The following ATXN2 variants were observed in gnomAD, a reference collection of about 807,000 sequenced individuals.
ATXN2 encodes the protein ataxin 2.
In ATXN2, 37 loss-of-function variants were observed where a neutral mutation model predicts 138.6. That is an observed-to-expected ratio of 0.27 (90% CI 0.21 to 0.35). The LOEUF (loss-of-function observed/expected upper bound fraction) is 0.35, where lower values mean the gene tolerates loss of function less well. Ranked by LOEUF, ATXN2 falls within the 10% of genes least tolerant of loss-of-function variation. The pLI is 1.00. For synonymous variants in ATXN2, 549 were observed against 543.7 expected (o/e 1.01, Z -0.13); for missense variants, 1,216 against 1,480.3 (o/e 0.82, Z 2.93).
At chr12:111,454,063 A>C (rs7295678) in intron 23 of ATXN2, 20,401 of 499,360 alleles carry the variant, frequency 0.041, 3,353 homozygotes, top group African/African-American at 0.35. Flanking sequence ...GGAGCAGGCA[A>C]CAAGTGAGCC....
At chr12:111,467,241 C>T (rs1876089540) in intron 20 of ATXN2, among the ~76,000 whole-genome samples, 1 of 146,340 alleles carries the variant, frequency 6.8e-6, no homozygotes, top group Non-Finnish European at 1.5e-5. Flanking sequence ...GTCCTGGACT[C>T]AAGTGATCCT....
Position 111,485,755 on chromosome 12 carries a change from T to C in ATXN2, c.2415A>G (p.Ala805=). ...TPVYTQPVCF[A]PNMMYPVPVS... ...CTGGGACTGGATACATCATATTTGG[T>C]GCAAAACAAACAGGCTGAGTATAAA... Residue 805 remains alanine (A), a synonymous_variant, in exon 17 of 25, where the codon GCA becomes GCG. Transcript: ENST00000673436. 6.2e-7 allele frequency: 1 copy of C among 1,614,152 alleles called. No individual in the cohort carries two copies. The highest frequency in any genetic ancestry group is 8.5e-7 in the Non-Finnish European group (1 of 1,180,026).
Position 111,598,162 on chromosome 12 carries a change from G to C in ATXN2, c.251+622C>G, listed in dbSNP as rs915347266. 5 of 1,093,398 alleles carry C rather than the reference G, an allele frequency of 4.6e-6. No individual in the cohort carries two copies. The highest frequency in any genetic ancestry group is 5.6e-6 in the Non-Finnish European group (5 of 890,324). 67.7% of individuals were successfully genotyped at this position (1,093,398 alleles called of 1,614,324 possible). Reference sequence around the variant, plus strand: ...CGGACACGAACGCAGAGGGGTGCGGGGGCCAAGGCCCACTTGTCTCCACCC... The same window carrying C: ...CGGACACGAACGCAGAGGGGTGCGGCGGCCAAGGCCCACTTGTCTCCACCC... On this transcript the variant is annotated intron_variant, in intron 1 of 24. Transcript: ENST00000673436. The surrounding 1 kb of genome is among the most constrained non-coding windows in gnomAD (Gnocchi z 4.5).
chr12:111,532,505 T>C (rs762747915), intron 5 of ATXN2, among the ~76,000 whole-genome samples: 3 of 152,032 alleles, frequency 2.0e-5, no homozygotes, highest in Non-Finnish European at 4.4e-5. Flanking sequence ...AAAATAATAA[T>C]TTGAGATACC....
intron 5 of ATXN2, among the ~76,000 whole-genome samples, chr12:111,547,329 A>G (rs1445379321): frequency 6.6e-6 from 1 of 152,190 alleles, no homozygotes; most frequent in Non-Finnish European, 1.5e-5. Context: ...CGGGAGGCTT[A>G]GGCAGAAGAA....
intron 22 of ATXN2, among the ~76,000 whole-genome samples, chr12:111,456,808 C>T (rs1023582604): frequency 2.0e-5 from 3 of 151,996 alleles, no homozygotes; most frequent in African/African-American, 7.3e-5. Context: ...AGTGCAGTGG[C>T]GCGATCTCTG....
Position 111,457,459 on chromosome 12 carries a change from C to T in ATXN2, c.2897-100G>A, listed in dbSNP as rs993369684. The T allele has an allele frequency of 2.9e-6, 4 of 1,359,168 alleles. No homozygotes were observed. In the African/African-American group the frequency reaches 4.4e-5, roughly 15 times the overall value. 84.2% of individuals were successfully genotyped at this position (1,359,168 alleles called of 1,614,324 possible). ...CTGAACTTTCTTGATGGTTACAATG[C>T]ATAACTCACGCCACTACCAATTTCT... On this transcript the variant is annotated intron_variant, in intron 21 of 24. Transcript: ENST00000673436.
intron 14 of ATXN2, 42 bp downstream of exon 14, chr12:111,509,507 T>G: frequency 1.8e-6 from 2 of 1,134,636 alleles, no homozygotes; most frequent in Non-Finnish European, 2.6e-6. Context: ...TAGTAATGCT[T>G]ATTTTCTAAA....
At chr12:111,581,357 C>G (rs1357861526) in intron 1 of ATXN2, 1 of 600,768 alleles carries the variant, frequency 1.7e-6, no homozygotes, top group African/African-American at 1.8e-5. Context: ...AACCCGACCA[C>G]AGCTGGTCTT....
intron 20 of ATXN2, among the ~76,000 whole-genome samples, chr12:111,467,159 T>C (rs973318277): frequency 1.3e-4 from 20 of 151,948 alleles, no homozygotes; most frequent in African/African-American, 4.6e-4. Flanking sequence ...TTTTTTTAAA[T>C]AGAGACAGGG....
rs1325956552 is a variant in ATXN2 at position 111,452,435 on chromosome 12, T to TC, written c.*376_*377insG. 2.5e-5 allele frequency: 4 copies of TC among 159,994 alleles called. No homozygotes were observed. The highest frequency in any genetic ancestry group is 9.6e-5 in the African/African-American group (4 of 41,564). 9.9% of individuals were successfully genotyped at this position (159,994 alleles called of 1,614,324 possible). A position where few individuals can be genotyped will look rare whatever the true frequency, so the allele number is the denominator to read the frequency against. On this transcript the variant is annotated 3_prime_UTR_variant, in exon 25 of 25. Coordinates refer to ENST00000673436, the MANE Select transcript of ATXN2 (RefSeq NM_001372574.1). ...AAGGGCGTTCCAAGTCTTGATTTTT[T>TC]TTTTTTTTTTTTTTTAGCAGTAATA...
intron 5 of ATXN2, 80 bp from the exon 6 acceptor site, chr12:111,525,396 C>T (rs1880426618): frequency 1.5e-6 from 2 of 1,336,054 alleles, no homozygotes; most frequent in East Asian, 2.6e-5. Context: ...CCAACAAAGA[C>T]ATATGTTAAA....
chr12:111,457,486 T>C (rs1875200966), intron 21 of ATXN2, 127 bp from the exon 22 acceptor site: 3 of 1,045,810 alleles, frequency 2.9e-6, no homozygotes, highest in Admixed American at 3.1e-5. Flanking sequence ...CCAATTTCTA[T>C]AGATGACTCC....
chr12:111,525,319 G>A lies in ATXN2; in HGVS notation c.572-3C>T, dbSNP rs765236691. On this transcript the variant is annotated splice_region_variant and splice_polypyrimidine_tract_variant and intron_variant, in intron 5 of 24. Coordinates refer to ENST00000673436, the MANE Select transcript of ATXN2 (RefSeq NM_001372574.1). ...GATAGCAGAGTCAGTAAAAGCATCT[G>A]CAAAGAATGGTTTTGGTTGAAAGTT... 3 of 1,568,454 alleles carry A rather than the reference G, an allele frequency of 1.9e-6. No individual in the cohort carries two copies. Among genetic ancestry groups the A allele is most frequent in the East Asian group, 4.6e-5 (2 of 43,342 alleles).
Position 111,470,130 on chromosome 12 carries a change from A to G in ATXN2, c.2820T>C (p.His940=). ...TACCATACATCGCATGCGTCTGCTC[A>G]TGAGCCCCGTACTGAGTTGCTGAAG... is the stretch of plus-strand genomic sequence containing the variant. ...VSSSATQYGA[H]EQTHAMYACP... Residue 940 remains histidine (H), a synonymous_variant, in exon 20 of 25, where the codon CAT becomes CAC. Transcript: ENST00000673436. The G allele has an allele frequency of 6.2e-7, 1 of 1,614,150 alleles. No individual in the cohort carries two copies. Among genetic ancestry groups the G allele is most frequent in the Non-Finnish European group, 8.5e-7 (1 of 1,180,008 alleles).
upstream of ATXN2, chr12:111,599,435 C>T: frequency 8.4e-7 from 1 of 1,189,372 alleles, no homozygotes. Flanking sequence ...CGAGCGCCAC[C>T]CGGGCCACCT....
intron 7 of ATXN2, 51 bp from the exon 8 acceptor site, chr12:111,520,127 T>G (rs753682663): frequency 4.7e-5 from 75 of 1,580,530 alleles, no homozygotes; most frequent in Non-Finnish European, 5.8e-5. Flanking sequence ...AGCCACAGTT[T>G]ATGTATCTGT....
intron 11 of ATXN2, 56 bp from the exon 12 acceptor site, chr12:111,510,638 A>G (rs145705674): frequency 1.4e-6 from 2 of 1,479,216 alleles, no homozygotes; most frequent in African/African-American, 1.4e-5. Flanking sequence ...TTACTTCCTA[A>G]AAGAGGCTTC....
Position 111,472,209 on chromosome 12 carries a change from G to C in ATXN2, c.2525-1467C>G, listed in dbSNP as rs149119323. Among the ~76,000 whole-genome samples the C allele has an allele frequency of 1.1e-3, 170 of 152,294 alleles. 3 individuals are homozygous for C. The South Asian group carries it at 0.02, about 18-fold the overall frequency. ...TTCAGCCAGGGAGGCAGATGCCGCGGTAAGCCGTAACTGCACCACTGCACT... is the reference window on the plus strand; with the variant it reads ...TTCAGCCAGGGAGGCAGATGCCGCGCTAAGCCGTAACTGCACCACTGCACT... On this transcript the variant is annotated intron_variant, in intron 18 of 24. Transcript: ENST00000673436.
Sources: allele counts gnomAD v4.1 joint callset (sites outside exome capture counted in the v4.1 genomes callset), GRCh38; gene constraint gnomAD v4.1.1; non-coding constraint Gnocchi (gnomAD v3.1); transcripts MANE v1.5; gene names NCBI Gene and HGNC (gene_info 2026-07-23, HGNC 2026-07-21).